Variants in FBXW7 observed in about 807,000 individuals in gnomAD.
The protein encoded by FBXW7 is F-box/WD repeat-containing protein 7.
FBXW7 carries 11 observed loss-of-function variants against 86.3 expected under a neutral mutation model. That is an observed-to-expected ratio of 0.13 (90% CI 0.08 to 0.21). The LOEUF (loss-of-function observed/expected upper bound fraction) is 0.21. Among genes scored for constraint, FBXW7 ranks in the 10% least tolerant of loss-of-function variants. FBXW7 has a pLI of 1.00. For synonymous variants in FBXW7, 313 were observed against 297.9 expected (o/e 1.05, Z -0.52); for missense variants, 488 against 847.4 (o/e 0.58, Z 5.27).
At chr4:152,375,451 AAGAAT>A (rs1734415513) in intron 4 of FBXW7, among the ~76,000 whole-genome samples, 1 of 152,128 alleles carries the variant, frequency 6.6e-6, no homozygotes, top group Non-Finnish European at 1.5e-5. Flanking sequence ...AAACGATGAA[AAGAAT>A]AGAAGAAAAT....
Position 152,322,690 on chromosome 4 carries a change from T to G in FBXW7, c.*191A>C. 2.1e-6 allele frequency: 2 copies of G among 941,486 alleles called. No homozygotes were observed. The highest frequency in any genetic ancestry group is 3.0e-6 in the Non-Finnish European group (2 of 664,348). The allele number at this position is 941,486 out of a possible 1,614,324, so 58.3% of individuals were successfully genotyped here. A position where few individuals can be genotyped will look rare whatever the true frequency, so the allele number is the denominator to read the frequency against. On this transcript the variant is annotated 3_prime_UTR_variant, in exon 14 of 14. Coordinates refer to ENST00000281708, the MANE Select transcript of FBXW7 (RefSeq NM_001349798.2). ...AGACAGCAGACGCCTCTCTTGTCAG[T>G]TATGGTTTGTCATCTCTTCTTCTTT...
chr4:152,342,662 CTGTT>C (rs1730864728), intron 6 of FBXW7, among the ~76,000 whole-genome samples: 2 of 152,206 alleles, frequency 1.3e-5, no homozygotes, highest in African/African-American at 4.8e-5. Context: ...GTTATCCAGT[CTGTT>C]TGAACAGTTC....
At chr4:152,497,803 A>G (rs1303482228) in intron 2 of FBXW7, among the ~76,000 whole-genome samples, 2 of 152,204 alleles carry the variant, frequency 1.3e-5, no homozygotes, top group African/African-American at 2.4e-5. Context: ...GTAAGTACCT[A>G]TGTACGAGCA....
chr4:152,516,705 ATC>A (rs1748530229), intron 2 of FBXW7, among the ~76,000 whole-genome samples: 1 of 152,238 alleles, frequency 6.6e-6, no homozygotes, highest in Non-Finnish European at 1.5e-5. Context: ...GGTAATACTA[ATC>A]TCAACACTGC....
At chr4:152,478,833 T>C (rs540277028) in intron 2 of FBXW7, among the ~76,000 whole-genome samples, 5 of 152,280 alleles carry the variant, frequency 3.3e-5, no homozygotes, top group South Asian at 2.1e-4. Flanking sequence ...TATGTGTTTA[T>C]TGGCCATTTT....
At chr4:152,436,347 T>C (rs1469714642) in intron 2 of FBXW7, among the ~76,000 whole-genome samples, 1 of 152,220 alleles carries the variant, frequency 6.6e-6, no homozygotes, top group Non-Finnish European at 1.5e-5. Flanking sequence ...TTCAATTCTA[T>C]GAAGGCTGAG....
chr4:152,506,106 G>A (rs1747398485), intron 2 of FBXW7, among the ~76,000 whole-genome samples: 1 of 152,028 alleles, frequency 6.6e-6, no homozygotes, highest in African/African-American at 2.4e-5. Context: ...TTATTATCAA[G>A]TATTAGGTAC....
intron 2 of FBXW7, among the ~76,000 whole-genome samples, chr4:152,518,288 C>T (rs560619703): frequency 6.6e-6 from 1 of 152,102 alleles, no homozygotes; most frequent in African/African-American, 2.4e-5. Flanking sequence ...TGCACCCAGC[C>T]TACTATTTTA....
At chr4:152,365,710 G>A (rs911066488) in intron 4 of FBXW7, among the ~76,000 whole-genome samples, 1 of 152,142 alleles carries the variant, frequency 6.6e-6, no homozygotes, top group Non-Finnish European at 1.5e-5. Context: ...GGAGATAACT[G>A]GGTATCCAAA....
chr4:152,512,852 C>T lies in FBXW7; in HGVS notation c.-120+22089G>A, dbSNP rs570648422. ...AACTGTGTGAATACAATGAAAACGACCGAATATTTATTTATTTATTTATTT... is the reference window on the plus strand; with the variant it reads ...AACTGTGTGAATACAATGAAAACGATCGAATATTTATTTATTTATTTATTT... On this transcript the variant is annotated intron_variant, in intron 2 of 13. Transcript: ENST00000281708. Among the ~76,000 whole-genome samples, 202 of 152,102 alleles carry T rather than the reference C, an allele frequency of 1.3e-3. 1 individual carries two copies. Among genetic ancestry groups the T allele is most frequent in the Non-Finnish European group, 1.9e-3 (127 of 67,968 alleles).
chr4:152,394,222 A>G (rs1023300420), intron 4 of FBXW7, among the ~76,000 whole-genome samples: 3 of 152,110 alleles, frequency 2.0e-5, no homozygotes, highest in African/African-American at 7.2e-5. Context: ...TCAAGCAGTA[A>G]TTCTAGAATT....
At chr4:152,482,940 A>G (rs1745011711) in intron 2 of FBXW7, among the ~76,000 whole-genome samples, 1 of 152,164 alleles carries the variant, frequency 6.6e-6, no homozygotes, top group Non-Finnish European at 1.5e-5. Flanking sequence ...ATCATACTAC[A>G]CAGATCATTC....
At chr4:152,432,964 T>C (rs1007464416) in intron 2 of FBXW7, among the ~76,000 whole-genome samples, 6 of 152,234 alleles carry the variant, frequency 3.9e-5, no homozygotes, top group African/African-American at 7.2e-5. Flanking sequence ...ATCATTTTTA[T>C]ATGATGTTTA....
chr4:152,394,796 A>C (rs1355012542), intron 4 of FBXW7, among the ~76,000 whole-genome samples: 1 of 152,104 alleles, frequency 6.6e-6, no homozygotes, highest in Non-Finnish European at 1.5e-5. Flanking sequence ...TATGTGGTAG[A>C]TGCTACTACC....
chr4:152,470,754 C>G (rs188233902), intron 2 of FBXW7, among the ~76,000 whole-genome samples: 1 of 152,198 alleles, frequency 6.6e-6, no homozygotes, highest in African/African-American at 2.4e-5. Context: ...GTCTGCCAGG[C>G]AATTTACTCT....
intron 4 of FBXW7, among the ~76,000 whole-genome samples, chr4:152,391,494 C>T (rs1446711963): frequency 6.6e-6 from 1 of 151,942 alleles, no homozygotes; most frequent in Non-Finnish European, 1.5e-5. Flanking sequence ...TTTAGTATGC[C>T]TGTAATACAA....
intron 2 of FBXW7, among the ~76,000 whole-genome samples, chr4:152,503,279 A>AT (rs1040810864): frequency 2.0e-4 from 30 of 148,310 alleles, no homozygotes; most frequent in East Asian, 7.8e-4. Context: ...ACCTTATTAA[A>AT]TTTTTTTTTT....
At chr4:152,343,372 C>T (rs1397096320) in intron 6 of FBXW7, among the ~76,000 whole-genome samples, 1 of 152,010 alleles carries the variant, frequency 6.6e-6, no homozygotes, top group African/African-American at 2.4e-5. Context: ...TATTTCTTGA[C>T]CAAGGGAAGA....
intron 12 of FBXW7, chr4:152,325,248 G>C (rs990757494): frequency 6.6e-6 from 1 of 151,900 alleles, no homozygotes; most frequent in Non-Finnish European, 1.5e-5. Context: ...ATATCCCTTT[G>C]ACAAAGAAAC....
Sources: gnomAD v4.1 joint callset for allele counts (sites outside exome capture counted in the v4.1 genomes callset) on GRCh38, gnomAD v4.1.1 for gene constraint, MANE v1.5 for transcripts, NCBI Gene and HGNC (gene_info 2026-07-23, HGNC 2026-07-21) for gene names.